The following SHISAL2A variants were observed in gnomAD, a reference collection of about 807,000 sequenced individuals.
The protein encoded by SHISAL2A is shisa like 2A, also known as protein shisa-like-2A.
SHISAL2A carries 18 observed loss-of-function variants against 11.5 expected under a neutral mutation model. That is an observed-to-expected ratio of 1.57 (90% CI 1.08 to 2.33). SHISAL2A has a LOEUF of 2.33. Among genes scored for constraint, SHISAL2A ranks in the 30% most tolerant of loss-of-function variants. The pLI, the probability that SHISAL2A is intolerant of heterozygous loss-of-function variation, is 0.00. For synonymous variants in SHISAL2A, 94 were observed against 99.6 expected (o/e 0.94, Z 0.34); for missense variants, 261 against 250.9 (o/e 1.04, Z -0.27).
chr1:52,636,937 C>A (rs1054143071), intron 1 of SHISAL2A, among the ~76,000 whole-genome samples: 5 of 152,216 alleles, frequency 3.3e-5, no homozygotes, highest in African/African-American at 1.2e-4. Flanking sequence ...ACTGTGCTGG[C>A]CCCTGGGGAC....
In SHISAL2A at chr1:52,643,021, G is replaced by A. The variant is rs1418503738; in HGVS notation, c.322+19G>A. The A allele has an allele frequency of 3.7e-6, 6 of 1,613,426 alleles. No individual in the cohort carries two copies. In the African/African-American group the frequency reaches 5.3e-5, roughly 14 times the overall value. On this transcript the variant is annotated intron_variant, in intron 2 of 2. Transcript: ENST00000517870. ...ACAGCAGGTAAGGAAGTTGCCAGGT[G>A]ATGTCCTTGTATTCGGTAGACTAGC...
At chr1:52,636,687 C>T (rs1160430094) in intron 1 of SHISAL2A, among the ~76,000 whole-genome samples, 2 of 152,154 alleles carry the variant, frequency 1.3e-5, no homozygotes, top group Non-Finnish European at 2.9e-5. Flanking sequence ...GGGTTAGATG[C>T]TCTCACACAT....
chr1:52,647,941 A>C (rs1210687821), intron 2 of SHISAL2A, among the ~76,000 whole-genome samples: 1 of 150,986 alleles, frequency 6.6e-6, no homozygotes, highest in African/African-American at 2.4e-5. Context: ...AAAAGTGAGA[A>C]GGTTGGAAGG....
chr1:52,661,396 G>C (rs1691904493), downstream of SHISAL2A, among the ~76,000 whole-genome samples: 1 of 152,168 alleles, frequency 6.6e-6, no homozygotes, highest in Non-Finnish European at 1.5e-5. Flanking sequence ...AATGACTTGG[G>C]CCCTAGACAT....
At chr1:52,653,765 GC>G (rs1302169632) in intron 2 of SHISAL2A, among the ~76,000 whole-genome samples, 3 of 151,918 alleles carry the variant, frequency 2.0e-5, no homozygotes, top group Non-Finnish European at 4.4e-5. Context: ...TTGAGACAGG[GC>G]CTTGCTCTGT....
downstream of SHISAL2A, among the ~76,000 whole-genome samples, chr1:52,661,611 G>A (rs1176904884): frequency 1.3e-5 from 2 of 152,210 alleles, no homozygotes; most frequent in African/African-American, 4.8e-5. Flanking sequence ...AACACTCACA[G>A]GGGTGTGAAG....
chr1:52,663,009 ATTG>A (rs1691938536), intron 4 of SHISAL2A, among the ~76,000 whole-genome samples: 1 of 152,178 alleles, frequency 6.6e-6, no homozygotes, highest in Non-Finnish European at 1.5e-5. Flanking sequence ...AGGGAGCTTC[ATTG>A]TGAAACCTTC....
chr1:52,649,730 A>T (rs912921593), intron 2 of SHISAL2A, among the ~76,000 whole-genome samples: 12 of 152,230 alleles, frequency 7.9e-5, no homozygotes, highest in Non-Finnish European at 1.5e-4. Context: ...CTGCCTGGTG[A>T]TTATTATCAA....
chr1:52,637,676 C>T (rs1347172098), intron 1 of SHISAL2A, among the ~76,000 whole-genome samples: 1 of 152,216 alleles, frequency 6.6e-6, no homozygotes, highest in East Asian at 1.9e-4. Context: ...TTCATCCTTC[C>T]CACCACCTGG....
intron 1 of SHISAL2A, among the ~76,000 whole-genome samples, chr1:52,637,122 T>G (rs1691253736): frequency 6.6e-6 from 1 of 152,198 alleles, no homozygotes; most frequent in Non-Finnish European, 1.5e-5. Context: ...GGCTGATCTC[T>G]GGGGTAACAT....
chr1:52,668,310 G>A (rs1457426281), intron 5 of SHISAL2A, among the ~76,000 whole-genome samples: 1 of 152,176 alleles, frequency 6.6e-6, no homozygotes, highest in African/African-American at 2.4e-5. Context: ...CTTGATCTGA[G>A]GCCCACAGGT....
chr1:52,646,628 C>A (rs1354394195), intron 2 of SHISAL2A, among the ~76,000 whole-genome samples: 2 of 151,988 alleles, frequency 1.3e-5, no homozygotes, highest in African/African-American at 2.4e-5. Context: ...ATTCTGAGGT[C>A]ATTTGTAAAT....
intron 2 of SHISAL2A, among the ~76,000 whole-genome samples, chr1:52,644,092 A>T (rs571861020): frequency 1.3e-5 from 2 of 152,334 alleles, no homozygotes; most frequent in African/African-American, 4.8e-5. Flanking sequence ...TTAAGGTGTC[A>T]TAGCTAATAA....
chr1:52,666,119 A>G (rs1692007573), intron 4 of SHISAL2A, among the ~76,000 whole-genome samples: 1 of 152,178 alleles, frequency 6.6e-6, no homozygotes, highest in South Asian at 2.1e-4. Flanking sequence ...TTAATAATAC[A>G]TTGTTCTACA....
intron 2 of SHISAL2A, among the ~76,000 whole-genome samples, chr1:52,652,143 A>G (rs1558091434): frequency 1.3e-5 from 2 of 152,166 alleles, no homozygotes; most frequent in Non-Finnish European, 2.9e-5. Context: ...TCATGTGAGG[A>G]TTAGGTAAAG....
intron 1 of SHISAL2A, among the ~76,000 whole-genome samples, chr1:52,638,718 A>G (rs897891420): frequency 2.5e-4 from 38 of 152,316 alleles, no homozygotes; most frequent in African/African-American, 8.4e-4. Flanking sequence ...CCAGTGTAGA[A>G]TGTACTCCTC....
At chr1:52,652,488 G>A (rs1014190626) in intron 2 of SHISAL2A, among the ~76,000 whole-genome samples, 2 of 151,980 alleles carry the variant, frequency 1.3e-5, no homozygotes, top group African/African-American at 4.8e-5. Flanking sequence ...TTTTAAAAAA[G>A]CACCTCTATC....
At position 52,633,765 on chromosome 1, in the gene SHISAL2A, G is replaced by A. The variant is rs1691183611; in HGVS notation, c.182+90G>A. 5.6e-6 allele frequency: 6 copies of A among 1,075,928 alleles called. No individual in the cohort carries two copies. The South Asian group carries it at 8.0e-5, about 14-fold the overall frequency. The allele number at this position is 1,075,928 out of a possible 1,614,324, so 66.6% of individuals were successfully genotyped here. On this transcript the variant is annotated intron_variant, in intron 1 of 2. Coordinates refer to ENST00000517870, the MANE Select transcript of SHISAL2A (RefSeq NM_001042693.3). This position sits in a 1 kb window ranked among gnomAD's most constrained non-coding sequence, Gnocchi z 6.4. ...TCAGCCCCCACCCGAGTGTCCACCTGAACATCAGCAGCAAGCTCTAGTCCT... is the reference window on the plus strand; with the variant it reads ...TCAGCCCCCACCCGAGTGTCCACCTAAACATCAGCAGCAAGCTCTAGTCCT...
intron 2 of SHISAL2A, among the ~76,000 whole-genome samples, chr1:52,656,116 A>T (rs771449689): frequency 2.6e-5 from 4 of 152,142 alleles, no homozygotes; most frequent in African/African-American, 9.7e-5. Context: ...GCTCCTGATT[A>T]AAAAAAGAAA....
Sources: gnomAD v4.1 joint callset for allele counts (sites outside exome capture counted in the v4.1 genomes callset) on GRCh38, gnomAD v4.1.1 for gene constraint, Gnocchi (gnomAD v3.1) non-coding constraint, MANE v1.5 for transcripts, NCBI Gene and HGNC (gene_info 2026-07-23, HGNC 2026-07-21) for gene names.